The following ZNF33B variants were observed in gnomAD, a reference collection of about 807,000 sequenced individuals.
ZNF33B encodes the protein zinc finger protein 33B, also known as zinc finger protein 11b (KOX 2).
A neutral mutation model predicts 45.8 loss-of-function variants in ZNF33B; 29 were observed. That is an observed-to-expected ratio of 0.63 (90% confidence interval 0.47 to 0.86). The LOEUF (loss-of-function observed/expected upper bound fraction) is 0.86, where lower values mean the gene tolerates loss of function less well. Among genes scored for constraint, ZNF33B ranks in the 40% least tolerant of loss-of-function variants. The pLI is 0.00. For missense variants in ZNF33B, 831 were observed against 909.9 expected (o/e 0.91, Z 1.12); for synonymous variants, 305 against 307.8 (o/e 0.99, Z 0.10).
intron 4 of ZNF33B, among the ~76,000 whole-genome samples, chr10:42,601,537 A>G (rs1423550236): frequency 1.4e-5 from 2 of 139,606 alleles, no homozygotes; most frequent in Admixed American, 8.0e-5. Flanking sequence ...CAGTGGTGCA[A>G]TCTCAGCCTC....
intron 2 of ZNF33B, among the ~76,000 whole-genome samples, chr10:42,633,713 A>T (rs564523380): frequency 2.8e-4 from 43 of 152,206 alleles, no homozygotes; most frequent in Non-Finnish European, 4.3e-4. Flanking sequence ...CACGCCTGTA[A>T]TCTCAGCACT....
intron 4 of ZNF33B, among the ~76,000 whole-genome samples, chr10:42,625,441 C>CA (rs1163451517): frequency 1.3e-5 from 2 of 152,014 alleles, no homozygotes; most frequent in Non-Finnish European, 2.9e-5. Context: ...TTTTGGAAAT[C>CA]ATTCATTCAT....
At chr10:42,609,280 G>A (rs1031635351) in intron 4 of ZNF33B, among the ~76,000 whole-genome samples, 7 of 152,082 alleles carry the variant, frequency 4.6e-5, no homozygotes, top group Non-Finnish European at 1.0e-4. Context: ...TTAGCTGCAT[G>A]TGGTGGCATA....
At chr10:42,581,401 T>G (rs528937837) in intron 1 of ZNF33B, among the ~76,000 whole-genome samples, 1 of 144,860 alleles carries the variant, frequency 6.9e-6, no homozygotes, top group Admixed American at 7.1e-5. Context: ...GAGGTGGAGG[T>G]TGCAGTGAGC....
downstream of ZNF33B, among the ~76,000 whole-genome samples, chr10:42,585,232 G>A (rs1012182027): frequency 1.3e-5 from 2 of 152,184 alleles, no homozygotes; most frequent in Admixed American, 6.5e-5. Context: ...CAGGCACCAC[G>A]GACACCAGGC....
At chr10:42,619,986 T>C (rs890163139) in intron 4 of ZNF33B, among the ~76,000 whole-genome samples, 3 of 151,952 alleles carry the variant, frequency 2.0e-5, no homozygotes, top group African/African-American at 7.3e-5. Flanking sequence ...GAGGCCGAAA[T>C]GGGTGGATCA....
intron 4 of ZNF33B, among the ~76,000 whole-genome samples, chr10:42,631,486 A>G (rs1283821764): frequency 6.6e-6 from 1 of 152,216 alleles, no homozygotes; most frequent in Admixed American, 6.5e-5. Flanking sequence ...GGTGTGAGCT[A>G]CCATGCCTGG....
chr10:42,615,796 A>G (rs1365261079), intron 4 of ZNF33B, among the ~76,000 whole-genome samples: 2 of 152,022 alleles, frequency 1.3e-5, no homozygotes, highest in Non-Finnish European at 2.9e-5. Flanking sequence ...ATAGTGGTGC[A>G]TGCCTGCAAT....
At chr10:42,576,667 AT>A (rs1282601617) in intron 1 of ZNF33B, among the ~76,000 whole-genome samples, 3 of 152,204 alleles carry the variant, frequency 2.0e-5, no homozygotes, top group African/African-American at 7.2e-5. Context: ...TGGGTCTGGA[AT>A]AGGACCTGAC....
intron 4 of ZNF33B, among the ~76,000 whole-genome samples, chr10:42,609,481 A>G (rs1240067729): frequency 2.0e-5 from 3 of 152,186 alleles, no homozygotes; most frequent in Non-Finnish European, 2.9e-5. Flanking sequence ...ACCCAGGTCC[A>G]TATGGTTCAC....
chr10:42,629,255 T>TGAG (rs1838943644), intron 4 of ZNF33B, among the ~76,000 whole-genome samples: 1 of 151,336 alleles, frequency 6.6e-6, no homozygotes, highest in African/African-American at 2.4e-5. Flanking sequence ...CTCATGGAGA[T>TGAG]GAGGTAGAAA....
chr10:42,635,881 A>T (rs1234190088), intron 2 of ZNF33B, among the ~76,000 whole-genome samples: 1 of 151,942 alleles, frequency 6.6e-6, no homozygotes, highest in African/African-American at 2.4e-5. Context: ...CTGTAATCCC[A>T]GCACTTTGGG....
intron 1 of ZNF33B, among the ~76,000 whole-genome samples, chr10:42,638,096 C>T (rs1839412938): frequency 6.6e-6 from 1 of 152,244 alleles, no homozygotes; most frequent in African/African-American, 2.4e-5. Flanking sequence ...GCAACAGAGT[C>T]CGTATGTCGG....
intron 4 of ZNF33B, among the ~76,000 whole-genome samples, chr10:42,616,357 C>A (rs116599014): frequency 0.017 from 2,583 of 152,156 alleles, 78 homozygotes; most frequent in African/African-American, 0.059. Context: ...TATAATTCTC[C>A]AGAAAATTGT....
intron 4 of ZNF33B, among the ~76,000 whole-genome samples, chr10:42,608,254 T>C (rs1398693793): frequency 1.3e-5 from 2 of 152,148 alleles, no homozygotes; most frequent in African/African-American, 4.8e-5. Flanking sequence ...ATGATACTAA[T>C]TGCAAACTGT....
chr10:42,578,765 C>A, intron 1 of ZNF33B: 1 of 152,370 alleles, frequency 6.6e-6, no homozygotes, highest in Non-Finnish European at 1.5e-5. Context: ...CACTGCAATG[C>A]CATGTGAATG....
At chr10:42,611,738 C>A (rs1838103684) in intron 4 of ZNF33B, among the ~76,000 whole-genome samples, 1 of 152,136 alleles carries the variant, frequency 6.6e-6, no homozygotes, top group Non-Finnish European at 1.5e-5. Context: ...AACACTCTTA[C>A]AACTCAACAA....
At chr10:42,615,056 T>C (rs158381) in intron 4 of ZNF33B, among the ~76,000 whole-genome samples, 4,626 of 152,024 alleles carry the variant, frequency 0.03, 205 homozygotes, top group East Asian at 0.14. Flanking sequence ...TAATAAATAA[T>C]AACAATAATA....
At chr10:42,635,957 C>T (rs1273606601) in intron 2 of ZNF33B, among the ~76,000 whole-genome samples, 2 of 151,642 alleles carry the variant, frequency 1.3e-5, no homozygotes, top group East Asian at 1.9e-4. Flanking sequence ...GGTGAAACCC[C>T]GTCTCTACTA....
Sources: gnomAD v4.1 joint callset for allele counts (sites outside exome capture counted in the v4.1 genomes callset) on GRCh38, gnomAD v4.1.1 for gene constraint, MANE v1.5 for transcripts, NCBI Gene and HGNC (gene_info 2026-07-23, HGNC 2026-07-21) for gene names.